Variants in MTOR observed in about 807,000 individuals in gnomAD.
MTOR encodes the protein mechanistic target of rapamycin kinase, also known as serine/threonine-protein kinase mTOR.
A neutral mutation model predicts 319.8 loss-of-function variants in MTOR; 70 were observed. That is an observed-to-expected ratio of 0.22 (90% CI 0.18 to 0.27). MTOR has a LOEUF of 0.27. Ranked by LOEUF, MTOR falls within the 10% of genes least tolerant of loss-of-function variation. The probability of loss-of-function intolerance (pLI) is 1.00; values close to 1 mark genes in which losing one functional copy is unlikely to be tolerated. For synonymous variants in MTOR, 1,183 were observed against 1,211.4 expected (o/e 0.98, Z 0.49); for missense variants, 1,890 against 3,274.4 (o/e 0.58, Z 10.32).
intron 29 of MTOR, among the ~76,000 whole-genome samples, chr1:11,166,933 A>G (rs904139673): frequency 6.6e-6 from 1 of 152,230 alleles, no homozygotes; most frequent in Non-Finnish European, 1.5e-5. Flanking sequence ...GGATGAGTTC[A>G]TGTCCATTGT....
chr1:11,255,068 ATAAT>A (rs1411301114), intron 5 of MTOR, among the ~76,000 whole-genome samples: 6 of 152,132 alleles, frequency 3.9e-5, no homozygotes, highest in African/African-American at 1.4e-4. Context: ...GAGATGTCTT[ATAAT>A]TAATTATTAA....
In MTOR at chr1:11,182,055, T is replaced by C. The variant is rs1645176400; in HGVS notation, c.4254-14538A>G. On this transcript the variant is annotated intron_variant, in intron 28 of 57. Transcript: ENST00000361445. ...CGACATGGAGAAACCCCCTCTCTACTAAAAATACAAAATTAGCAAGGCATG... is the reference window on the plus strand; with the variant it reads ...CGACATGGAGAAACCCCCTCTCTACCAAAAATACAAAATTAGCAAGGCATG... 2.0e-5 allele frequency among the ~76,000 whole-genome samples: 3 copies of C among 152,072 alleles called. No homozygotes were observed. In the South Asian group the frequency reaches 6.2e-4, roughly 32 times the overall value.
intron 29 of MTOR, among the ~76,000 whole-genome samples, chr1:11,162,213 G>C (rs918290566): frequency 6.6e-6 from 1 of 152,166 alleles, no homozygotes; most frequent in African/African-American, 2.4e-5. Flanking sequence ...ATGAAATGAA[G>C]CGAGAAGAGA....
rs878923646 is a variant in MTOR, at chr1:11,115,551, T to C, written c.7017-83A>G. The C allele has an allele frequency of 7.3e-7, 1 of 1,364,396 alleles. No individual in the cohort carries two copies. Among genetic ancestry groups the C allele is most frequent in the South Asian group, 1.2e-5 (1 of 85,162 alleles). 84.5% of individuals were successfully genotyped at this position (1,364,396 alleles called of 1,614,324 possible). On this transcript the variant is annotated intron_variant, in intron 50 of 57. Coordinates refer to ENST00000361445, the MANE Select transcript of MTOR (RefSeq NM_004958.4). This position sits in a 1 kb window ranked among gnomAD's most constrained non-coding sequence, Gnocchi z 4.5. ...TCAATAAGTACGTGATACTGTAAGC[T>C]AGGAGTTGGCAAACGATAGCCCTCA...
chr1:11,149,656 C>T (rs1644066981), intron 31 of MTOR: 1 of 153,216 alleles, frequency 6.5e-6, no homozygotes, highest in Non-Finnish European at 1.5e-5. Context: ...ACACAAATCA[C>T]AACCTGGAAC....
intron 28 of MTOR, among the ~76,000 whole-genome samples, chr1:11,191,162 G>C (rs1645516237): frequency 6.6e-6 from 1 of 152,162 alleles, no homozygotes; most frequent in Non-Finnish European, 1.5e-5. Flanking sequence ...CCTGCAAGGA[G>C]GTTCTTGGGG....
chr1:11,203,480 G>C (rs1646045004), intron 26 of MTOR, among the ~76,000 whole-genome samples: 1 of 152,142 alleles, frequency 6.6e-6, no homozygotes, highest in Non-Finnish European at 1.5e-5. Context: ...TTGAAGACCA[G>C]CCTGGCCAAC....
intron 28 of MTOR, chr1:11,189,394 CCT>C (rs1645431948): frequency 1.4e-6 from 1 of 720,532 alleles, no homozygotes; most frequent in South Asian, 1.9e-5. Context: ...ATTCAGCTCC[CCT>C]GTCAGAGACT....
chr1:11,203,186 C>T (rs1385262578), intron 26 of MTOR, among the ~76,000 whole-genome samples: 1 of 152,032 alleles, frequency 6.6e-6, no homozygotes, highest in Non-Finnish European at 1.5e-5. Flanking sequence ...GCACTCCAGC[C>T]TGGGTGACAG....
intron 29 of MTOR, among the ~76,000 whole-genome samples, chr1:11,159,739 A>G (rs1184144457): frequency 6.6e-6 from 1 of 152,164 alleles, no homozygotes; most frequent in African/African-American, 2.4e-5. Context: ...AAAATGCTAG[A>G]TGATCAAACA....
chr1:11,160,389 T>C (rs72871470), intron 29 of MTOR, among the ~76,000 whole-genome samples: 10,686 of 152,232 alleles, frequency 0.07, 562 homozygotes, highest in South Asian at 0.19. Flanking sequence ...CGTGAGCCAC[T>C]GCGCCCGGCT....
chr1:11,121,137 C>T lies in MTOR; in HGVS notation c.6933+109G>A. 6.9e-7 allele frequency: 1 copy of T among 1,452,270 alleles called. No individual in the cohort carries two copies. Among genetic ancestry groups the T allele is most frequent in the Non-Finnish European group, 9.2e-7 (1 of 1,082,884 alleles). 90.0% of individuals were successfully genotyped at this position (1,452,270 alleles called of 1,614,324 possible). ...GAAAAGTCTGGACACGCTCTACAGC[C>T]AATCACAGCAAAGAAGAGCCGCTGT... On this transcript the variant is annotated intron_variant, in intron 49 of 57. Coordinates refer to ENST00000361445, the MANE Select transcript of MTOR (RefSeq NM_004958.4). This position sits in a 1 kb window ranked among gnomAD's most constrained non-coding sequence, Gnocchi z 4.9.
chr1:11,127,614 T>C lies in MTOR; in HGVS notation c.6216+10A>G. On this transcript the variant is annotated intron_variant, in intron 44 of 57. Transcript: ENST00000361445. This position sits in a 1 kb window ranked among gnomAD's most constrained non-coding sequence, Gnocchi z 5.5. The stretch of plus-strand genomic sequence containing the variant: ...CAGGGTTATGTCCTTTCGTGTTTTT[T>C]ACCCCATACCTGATTAAAGGATGTT... 6.3e-7 allele frequency: 1 copy of C among 1,592,314 alleles called. No homozygotes were observed. The highest frequency in any genetic ancestry group is 8.5e-7 in the Non-Finnish European group (1 of 1,171,560).
Position 11,109,584 on chromosome 1 carries a change from A to G in MTOR, c.7447+65T>C, listed in dbSNP as rs1641752151. On this transcript the variant is annotated intron_variant, in intron 55 of 57. Transcript: ENST00000361445. The surrounding 1 kb of genome is among the most constrained non-coding windows in gnomAD (Gnocchi z 4.0). The stretch of plus-strand genomic sequence containing the variant: ...TCATCTTGTTGACCCCTCTCAGGGT[A>G]TAACACAGCTGCTATTTTCTTAATG... 2.0e-6 allele frequency: 3 copies of G among 1,500,992 alleles called. No individual in the cohort carries two copies. The highest frequency in any genetic ancestry group is 2.8e-6 in the Non-Finnish European group (3 of 1,077,338). The allele number at this position is 1,500,992 out of a possible 1,614,324, so 93.0% of individuals were successfully genotyped here. A position where few individuals can be genotyped will look rare whatever the true frequency, so the allele number is the denominator to read the frequency against.
intron 29 of MTOR, among the ~76,000 whole-genome samples, chr1:11,160,372 T>A (rs186945962): frequency 1.6e-4 from 25 of 152,294 alleles, no homozygotes; most frequent in Non-Finnish European, 3.1e-4. Flanking sequence ...AGTGCTGGGA[T>A]TGTAGGCGTG....
chr1:11,205,291 G>A (rs1646102386), intron 25 of MTOR, among the ~76,000 whole-genome samples: 1 of 152,178 alleles, frequency 6.6e-6, no homozygotes, highest in African/African-American at 2.4e-5. Context: ...ATTCAGGTGG[G>A]TGGAAAGGCT....
chr1:11,224,773 T>C (rs1176737340), intron 19 of MTOR, among the ~76,000 whole-genome samples: 1 of 152,090 alleles, frequency 6.6e-6, no homozygotes, highest in East Asian at 1.9e-4. Flanking sequence ...AGTTTACAAA[T>C]AAAATACCCA....
chr1:11,240,431 C>T lies in MTOR; in HGVS notation c.1658G>A (p.Arg553His), dbSNP rs1452329078. Residue 553 changes from arginine to histidine, a missense_variant, in exon 11 of 58, where the codon CGC becomes CAC. By Grantham distance (29) the Arg-to-His change is conservative. Transcript: ENST00000361445. Reference protein sequence around the residue: ...LSLVLMHKPLRHPGMPKGLAH... With the variant: ...LSLVLMHKPLHHPGMPKGLAH... Reference sequence around the variant, plus strand: ...CAGGCCCTTGGGCATGCCTGGGTGGCGAAGGGGTTTGTGCATAAGGACCAG... The same window carrying T: ...CAGGCCCTTGGGCATGCCTGGGTGGTGAAGGGGTTTGTGCATAAGGACCAG... The T allele has an allele frequency of 8.7e-6, 14 of 1,614,058 alleles. No homozygotes were observed. The highest frequency in any genetic ancestry group is 1.7e-5 in the Admixed American group (1 of 59,998).
chr1:11,246,229 A>G (rs1298822046), intron 8 of MTOR, among the ~76,000 whole-genome samples: 1 of 152,226 alleles, frequency 6.6e-6, no homozygotes, highest in Non-Finnish European at 1.5e-5. Context: ...GAAGAAATCT[A>G]GGGCCCTCTG....
Sources: allele counts gnomAD v4.1 joint callset (sites outside exome capture counted in the v4.1 genomes callset), GRCh38; gene constraint gnomAD v4.1.1; non-coding constraint Gnocchi (gnomAD v3.1); transcripts MANE v1.5; gene names NCBI Gene and HGNC (gene_info 2026-07-23, HGNC 2026-07-21).